Variants in MAP4K3 observed in about 807,000 individuals in gnomAD.
The protein encoded by MAP4K3 is MAPK/ERK kinase kinase kinase 3.
A neutral mutation model predicts 143.5 loss-of-function variants in MAP4K3; 94 were observed. That is an observed-to-expected ratio of 0.65 (90% confidence interval 0.55 to 0.78). The LOEUF (loss-of-function observed/expected upper bound fraction) is 0.78, where lower values mean the gene tolerates loss of function less well. Among genes scored for constraint, MAP4K3 ranks in the 30% least tolerant of loss-of-function variants. MAP4K3 has a pLI of 0.00. For missense variants in MAP4K3, 1,077 were observed against 1,068.1 expected (o/e 1.01, Z -0.12); for synonymous variants, 416 against 347.2 (o/e 1.20, Z -2.20).
At chr2:39,371,184 A>G (rs555953255) in intron 2 of MAP4K3, among the ~76,000 whole-genome samples, 8 of 151,006 alleles carry the variant, frequency 5.3e-5, no homozygotes, top group Non-Finnish European at 1.0e-4. Flanking sequence ...AAAAGAAAAG[A>G]TAAGAGTTTT....
chr2:39,406,673 A>G (rs1667100145), intron 1 of MAP4K3, among the ~76,000 whole-genome samples: 1 of 152,198 alleles, frequency 6.6e-6, no homozygotes, highest in Non-Finnish European at 1.5e-5. Flanking sequence ...TTCCCAGACA[A>G]ACAAAAACTG....
At chr2:39,342,819 A>T (rs1665181145) in intron 4 of MAP4K3, among the ~76,000 whole-genome samples, 1 of 152,220 alleles carries the variant, frequency 6.6e-6, no homozygotes, top group Non-Finnish European at 1.5e-5. Context: ...ATTTTATTTT[A>T]CATTAATCAA....
At chr2:39,274,318 G>A (rs6544218) in intron 24 of MAP4K3, among the ~76,000 whole-genome samples, 12,089 of 150,800 alleles carry the variant, frequency 0.08, 1,643 homozygotes, top group African/African-American at 0.28. Flanking sequence ...CCAGGTTCAC[G>A]CCCTTCTCCT....
intron 2 of MAP4K3, among the ~76,000 whole-genome samples, chr2:39,357,962 A>T (rs1665657642): frequency 6.6e-6 from 1 of 152,210 alleles, no homozygotes; most frequent in African/African-American, 2.4e-5. Flanking sequence ...TTCTGGGGGT[A>T]GCCCTGAGAG....
chr2:39,351,043 T>C (rs1665442953), intron 3 of MAP4K3, among the ~76,000 whole-genome samples: 2 of 152,230 alleles, frequency 1.3e-5, no homozygotes, highest in Admixed American at 6.5e-5. Flanking sequence ...TTAGGTATCA[T>C]ATGTCACCTA....
chr2:39,305,862 G>A (rs568019344), intron 15 of MAP4K3, among the ~76,000 whole-genome samples: 7 of 150,442 alleles, frequency 4.7e-5, no homozygotes, highest in African/African-American at 1.2e-4. Flanking sequence ...ATGGAGTCTC[G>A]CTCTGTTGCC....
intron 3 of MAP4K3, among the ~76,000 whole-genome samples, chr2:39,345,106 C>T (rs1011481804): frequency 2.0e-5 from 3 of 152,146 alleles, no homozygotes; most frequent in African/African-American, 7.2e-5. Context: ...GGCCCAGTGG[C>T]TCACACCTGT....
rs751163088 is a variant in MAP4K3 at position 39,280,335 on chromosome 2, C to G, written c.1651G>C (p.Val551Leu). ...KVHMGACFSK[V>L]FNGCPLKIHC... ...ATTTTCAAGGGACACCCATTAAAAACTTTTGAAAAACATGCACCCATCTAG... is the reference window on the plus strand; with the variant it reads ...ATTTTCAAGGGACACCCATTAAAAAGTTTTGAAAAACATGCACCCATCTAG... The change falls in exon 23 of 34, where the codon GTT becomes CTT. Residue 551 changes from valine (V) to leucine (L), a missense_variant. Transcript: ENST00000263881. 3 of 1,604,490 alleles carry G rather than the reference C, an allele frequency of 1.9e-6. No homozygotes were observed. The highest frequency in any genetic ancestry group is 2.2e-5 in the East Asian group (1 of 44,576).
intron 1 of MAP4K3, among the ~76,000 whole-genome samples, chr2:39,401,357 G>C (rs761736782): frequency 1.3e-5 from 2 of 152,114 alleles, no homozygotes; most frequent in Non-Finnish European, 2.9e-5. Context: ...TAAGGGTTGG[G>C]AATAGTTCAT....
At position 39,437,232 on chromosome 2, in the gene MAP4K3, G is replaced by T; in HGVS notation, c.-245C>A. On this transcript the variant is annotated 5_prime_UTR_variant, in exon 1 of 34. Transcript: ENST00000263881. Reference sequence around the variant, plus strand: ...CGCCGAACCTGGTCACACCCACAAGGAGAGGAGAACCCTCGCAGCCCCTCG... The same window carrying T: ...CGCCGAACCTGGTCACACCCACAAGTAGAGGAGAACCCTCGCAGCCCCTCG... 1 of 304,406 alleles carries T rather than the reference G, an allele frequency of 3.3e-6. No homozygotes were observed. The allele number at this position is 304,406 out of a possible 1,614,324, so 18.9% of individuals were successfully genotyped here.
intron 26 of MAP4K3, among the ~76,000 whole-genome samples, chr2:39,268,036 G>C (rs1325923060): frequency 6.6e-6 from 1 of 152,124 alleles, no homozygotes; most frequent in African/African-American, 2.4e-5. Context: ...GTAAAAAGCT[G>C]TCTTATTATA....
At chr2:39,293,640 T>C (rs1187944623) in intron 16 of MAP4K3, among the ~76,000 whole-genome samples, 1 of 152,170 alleles carries the variant, frequency 6.6e-6, no homozygotes, top group Non-Finnish European at 1.5e-5. Context: ...TACCTGGAAT[T>C]TTATACCTGA....
chr2:39,362,272 C>T (rs1052634373), intron 2 of MAP4K3, among the ~76,000 whole-genome samples: 4 of 151,986 alleles, frequency 2.6e-5, no homozygotes, highest in East Asian at 1.9e-4. Context: ...TAAAAGACAT[C>T]CAAAGTGAAA....
chr2:39,383,425 C>T (rs1267087838), intron 1 of MAP4K3, among the ~76,000 whole-genome samples: 1 of 147,554 alleles, frequency 6.8e-6, no homozygotes, highest in Non-Finnish European at 1.5e-5. Context: ...ATTACCTCCA[C>T]CAGGTTCCTC....
intron 2 of MAP4K3, among the ~76,000 whole-genome samples, chr2:39,370,542 A>T (rs987462776): frequency 9.9e-5 from 15 of 152,182 alleles, no homozygotes; most frequent in African/African-American, 3.6e-4. Context: ...ATTCCATAAC[A>T]TTTAACTTTG....
rs775291762 is a variant in MAP4K3, at chr2:39,337,001, T to A, written c.367-34A>T. ...TCAAAAAACAGAAAAATAAACAAGA[T>A]TTTATCAAAGAGCACTCTTTTGGAT... is the stretch of plus-strand genomic sequence containing the variant. On this transcript the variant is annotated intron_variant, in intron 5 of 33. Coordinates refer to ENST00000263881, the MANE Select transcript of MAP4K3 (RefSeq NM_003618.4). 3.5e-6 allele frequency: 4 copies of A among 1,132,538 alleles called. No individual in the cohort carries two copies. In the Admixed American group the frequency reaches 9.0e-5, roughly 26 times the overall value. 70.2% of individuals were successfully genotyped at this position (1,132,538 alleles called of 1,614,324 possible). A position where few individuals can be genotyped will look rare whatever the true frequency, so the allele number is the denominator to read the frequency against.
intron 1 of MAP4K3, among the ~76,000 whole-genome samples, chr2:39,413,693 G>A (rs570300334): frequency 6.6e-6 from 1 of 151,712 alleles, no homozygotes; most frequent in East Asian, 1.9e-4. Context: ...GTAGAGGTGG[G>A]CCCCCTGTAT....
At chr2:39,280,455 A>T (rs1187808652) in intron 22 of MAP4K3, 99 bp from the exon 23 acceptor site, 3 of 512,290 alleles carry the variant, frequency 5.9e-6, no homozygotes, top group Admixed American at 3.5e-5. Context: ...GAGTCTATAG[A>T]TAGTATACTG....
intron 16 of MAP4K3, among the ~76,000 whole-genome samples, chr2:39,295,230 A>G (rs1682222587): frequency 1.3e-5 from 2 of 152,106 alleles, no homozygotes; most frequent in African/African-American, 4.8e-5. Context: ...GAGAAATCAG[A>G]GGTGTTTTAA....
Sources: gnomAD v4.1 joint callset for allele counts (sites outside exome capture counted in the v4.1 genomes callset) on GRCh38, gnomAD v4.1.1 for gene constraint, MANE v1.5 for transcripts, NCBI Gene and HGNC (gene_info 2026-07-23, HGNC 2026-07-21) for gene names.